TEX11: variants seen among roughly 807,000 people sequenced by gnomAD.
TEX11 encodes testis-expressed protein 11.
In TEX11, 7 loss-of-function variants were observed where a neutral mutation model predicts 84.4. The ratio of observed to expected loss-of-function variants is 0.08; its 90% confidence interval spans 0.05 to 0.16. TEX11 has a LOEUF of 0.16. TEX11 is among the 10% of genes least tolerant of loss of function. The pLI is 1.00. For synonymous variants in TEX11, 264 were observed against 222.8 expected, an observed-to-expected ratio of 1.18 and a Z score of -1.64; for missense variants, 551 against 660.5, an observed-to-expected ratio of 0.83 and a Z score of 1.82.
chrX:70,678,946 C>G (rs1391956580), intron 14 of TEX11, 57 bp from the exon 15 acceptor site: 2 of 705,561 alleles, frequency 2.8e-6, no homozygotes, highest in African/African-American at 5.3e-5. Context: ...CTCCCTCTCC[C>G]TCTCCCTCTC....
At chrX:70,748,859 C>T (rs1396852907) in intron 9 of TEX11, among the ~76,000 whole-genome samples, 3 of 97,988 alleles carry the variant, frequency 3.1e-5, no homozygotes, top group Non-Finnish European at 6.1e-5. Flanking sequence ...TAGTGTGATG[C>T]CTCCAGCTTT....
At chrX:70,565,428 T>C (rs2147960806) in intron 25 of TEX11, among the ~76,000 whole-genome samples, 1 of 109,253 alleles carries the variant, frequency 9.2e-6, no homozygotes, top group East Asian at 2.9e-4. Context: ...TTTGTCAATT[T>C]TGGCTTTGGT....
chrX:70,741,647 C>T (rs1244330978), intron 10 of TEX11, among the ~76,000 whole-genome samples: 1 of 111,510 alleles, frequency 9.0e-6, no homozygotes, highest in Admixed American at 9.6e-5. Flanking sequence ...TATTACCTCA[C>T]TAAACTTACA....
intron 20 of TEX11, among the ~76,000 whole-genome samples, chrX:70,617,550 C>T (rs1440988637): frequency 9.2e-6 from 1 of 109,047 alleles, no homozygotes; most frequent in Non-Finnish European, 1.9e-5. Context: ...AACTGGAGGC[C>T]ATTATCTTAA....
At chrX:70,813,417 CT>C (rs2091268782) in intron 8 of TEX11, among the ~76,000 whole-genome samples, 1 of 111,706 alleles carries the variant, frequency 9.0e-6, no homozygotes, top group Non-Finnish European at 1.9e-5. Context: ...GCTAAAAACT[CT>C]CAATAAATTA....
At chrX:70,539,563 G>A (rs982602015) in intron 28 of TEX11, among the ~76,000 whole-genome samples, 1 of 111,329 alleles carries the variant, frequency 9.0e-6, no homozygotes, top group Non-Finnish European at 1.9e-5. Context: ...GACATCAGCT[G>A]TGAGGATTAG....
chrX:70,581,236 G>A (rs1192051485), intron 25 of TEX11, among the ~76,000 whole-genome samples: 2 of 105,870 alleles, frequency 1.9e-5, no homozygotes, highest in Non-Finnish European at 3.9e-5. Context: ...GAACTCCTGA[G>A]CTCAAGCAAT....
At chrX:70,748,404 T>C (rs182317889) in intron 9 of TEX11, among the ~76,000 whole-genome samples, 16 of 111,323 alleles carry the variant, frequency 1.4e-4, no homozygotes, top group Non-Finnish European at 2.6e-4. Flanking sequence ...CCCCTCAGAG[T>C]TCATGGAGTA....
At chrX:70,767,220 A>G (rs922540562) in intron 9 of TEX11, among the ~76,000 whole-genome samples, 1 of 111,629 alleles carries the variant, frequency 9.0e-6, no homozygotes, top group Non-Finnish European at 1.9e-5. Flanking sequence ...TACCCATCTA[A>G]TAAGGGGTTA....
At chrX:70,523,051 T>C in the TEX11 span, among the ~76,000 whole-genome samples, 1 of 111,067 alleles carries the variant, frequency 9.0e-6, no homozygotes, top group Middle Eastern at 4.6e-3. Flanking sequence ...TCAAGTCCAT[T>C]TGGGGCACGT....
At chrX:70,681,970 C>A (rs759659396) in intron 14 of TEX11, among the ~76,000 whole-genome samples, 1 of 111,682 alleles carries the variant, frequency 9.0e-6, no homozygotes, top group East Asian at 2.8e-4. Context: ...GAAAGCAACA[C>A]GTCACCTAAA....
intron 25 of TEX11, among the ~76,000 whole-genome samples, chrX:70,574,764 T>G (rs2088651610): frequency 8.9e-6 from 1 of 111,755 alleles, no homozygotes; most frequent in South Asian, 3.7e-4. Flanking sequence ...TGTCAAGTAG[T>G]CAACACACAG....
rs746157107 is a variant in TEX11, at chrX:70,689,493, AG to A, written c.1005-6669del. On this transcript the variant is annotated intron_variant, in intron 13 of 29. Coordinates refer to ENST00000374333, the MANE Select transcript of TEX11 (RefSeq NM_031276.3). ...GGCAAGAAATGTGCAAGATGAACCT[AG>A]AACATTCTGTGTTGTCAGAAAGAAA... 3.0e-4 allele frequency among the ~76,000 whole-genome samples: 33 copies of A among 111,476 alleles called. No individual in the cohort carries two copies. In the South Asian group the frequency reaches 0.012, roughly 41 times the overall value.
intron 9 of TEX11, among the ~76,000 whole-genome samples, chrX:70,768,028 TA>T (rs1283673878): frequency 9.0e-6 from 1 of 110,877 alleles, no homozygotes; most frequent in African/African-American, 3.3e-5. Flanking sequence ...TTAATGGTTA[TA>T]AAAAATAGTT....
chrX:70,904,219 T>C (rs1057044277), intron 2 of TEX11, among the ~76,000 whole-genome samples: 5 of 110,959 alleles, frequency 4.5e-5, no homozygotes, highest in African/African-American at 6.6e-5. Context: ...CTAAAAGCCA[T>C]TGGATAGGCT....
intron 3 of TEX11, among the ~76,000 whole-genome samples, chrX:70,878,951 A>G (rs2091669498): frequency 8.9e-6 from 1 of 112,586 alleles, no homozygotes; most frequent in Non-Finnish European, 1.9e-5. Context: ...ATAAAAATGT[A>G]TGAAGTACAA....
At chrX:70,800,335 C>T (rs900468034) in intron 9 of TEX11, among the ~76,000 whole-genome samples, 1 of 111,003 alleles carries the variant, frequency 9.0e-6, no homozygotes, top group Non-Finnish European at 1.9e-5. Flanking sequence ...GTACAACAAA[C>T]TCCCATGACA....
At chrX:70,659,596 T>A (rs775815743) in intron 16 of TEX11, among the ~76,000 whole-genome samples, 6 of 111,919 alleles carry the variant, frequency 5.4e-5, no homozygotes, top group African/African-American at 1.6e-4. Context: ...CACTTGTGCA[T>A]TACTGGTGGG....
intron 2 of TEX11, among the ~76,000 whole-genome samples, chrX:70,898,731 G>A (rs1410307357): frequency 2.8e-5 from 3 of 109,039 alleles, no homozygotes; most frequent in East Asian, 2.9e-4. Context: ...TCAGCCTCCC[G>A]AGTAGCTGGG....
Sources: allele counts gnomAD v4.1 joint callset (sites outside exome capture counted in the v4.1 genomes callset), GRCh38; gene constraint gnomAD v4.1.1; transcripts MANE v1.5; gene names NCBI Gene and HGNC (gene_info 2026-07-23, HGNC 2026-07-21).